Variants in TFRC observed in about 807,000 individuals in gnomAD.
The protein encoded by TFRC is transferrin receptor, also known as transferrin receptor protein 1.
In TFRC, 35 loss-of-function variants were observed where a neutral mutation model predicts 85.8. That is an observed-to-expected ratio of 0.41 (90% CI 0.31 to 0.54). TFRC has a LOEUF of 0.54. Among genes scored for constraint, TFRC ranks in the 20% least tolerant of loss-of-function variants. TFRC has a pLI of 0.31. For synonymous variants in TFRC, 362 were observed against 328.6 expected (o/e 1.10, Z -1.10); for missense variants, 828 against 921.5 (o/e 0.90, Z 1.31).
chr3:196,066,267 A>T (rs1717734630), intron 9 of TFRC, among the ~76,000 whole-genome samples: 1 of 152,176 alleles, frequency 6.6e-6, no homozygotes, highest in African/African-American at 2.4e-5. Flanking sequence ...CACCACTAAC[A>T]AGGATAGTAC....
At chr3:196,080,773 G>A (rs1472211253) in intron 1 of TFRC, among the ~76,000 whole-genome samples, 1 of 142,536 alleles carries the variant, frequency 7.0e-6, no homozygotes, top group East Asian at 2.1e-4. Context: ...TTGCAAAATC[G>A]ATGACAAAAA....
chr3:196,068,469 G>C (rs1397415015), intron 7 of TFRC, among the ~76,000 whole-genome samples: 1 of 151,688 alleles, frequency 6.6e-6, no homozygotes, highest in East Asian at 1.9e-4. Flanking sequence ...AAATTAACTG[G>C]GCGCAGTGGC....
Position 196,051,822 on chromosome 3 carries a change from A to C in TFRC, c.*120T>G, listed in dbSNP as rs1716332446. ...TGCCTAAAGACATCTAGTAGTACCAAGATGATGGGATGGAATTTTAACATC... is the reference window on the plus strand; with the variant it reads ...TGCCTAAAGACATCTAGTAGTACCACGATGATGGGATGGAATTTTAACATC... On this transcript the variant is annotated 3_prime_UTR_variant, in exon 19 of 19. Coordinates refer to ENST00000360110, the MANE Select transcript of TFRC (RefSeq NM_001128148.3). 3.2e-6 allele frequency: 4 copies of C among 1,248,018 alleles called. No homozygotes were observed. Among genetic ancestry groups the C allele is most frequent in the Non-Finnish European group, 4.5e-6 (4 of 893,964 alleles). 77.3% of individuals were successfully genotyped at this position (1,248,018 alleles called of 1,614,324 possible).
At chr3:196,077,831 A>G in intron 1 of TFRC, among the ~76,000 whole-genome samples, 1 of 152,152 alleles carries the variant, frequency 6.6e-6, no homozygotes, top group Non-Finnish European at 1.5e-5. Flanking sequence ...TACAAATACC[A>G]CAAACCATCT....
Position 196,058,272 on chromosome 3 carries a change from G to A in TFRC, c.1677+12C>T, listed in dbSNP as rs575233627. 41 of 1,609,956 alleles carry A rather than the reference G, an allele frequency of 2.5e-5. No homozygotes were observed. The highest frequency in any genetic ancestry group is 3.4e-5 in the Non-Finnish European group (40 of 1,177,172). ...GCCTCTCTCCATTTGTCATTTAAAT[G>A]AACAGACTTACCTCGCAAAAACAGA... On this transcript the variant is annotated intron_variant, in intron 16 of 18. Transcript: ENST00000360110.
intron 18 of TFRC, among the ~76,000 whole-genome samples, chr3:196,052,693 G>A (rs966858896): frequency 8.6e-5 from 13 of 151,838 alleles, no homozygotes; most frequent in Non-Finnish European, 1.8e-4. Flanking sequence ...CGCTTGCCTC[G>A]GCCTCCCAAA....
chr3:196,062,649 G>A lies in TFRC; in HGVS notation c.1405-4C>T. On this transcript the variant is annotated splice_polypyrimidine_tract_variant and splice_region_variant and intron_variant, in intron 12 of 18. Transcript: ENST00000360110. ...AATGCAGGGACGAAAGGTATCCCTA[G>A]AAGAGAAGGGAAAACACTAATAAGT... 6.2e-7 allele frequency: 1 copy of A among 1,602,890 alleles called. No homozygotes were observed. The highest frequency in any genetic ancestry group is 1.1e-5 in the South Asian group (1 of 88,892).
intron 6 of TFRC, 109 bp from the exon 7 acceptor site, chr3:196,069,677 G>C: frequency 3.3e-6 from 2 of 602,474 alleles, no homozygotes; most frequent in South Asian, 2.8e-5. Flanking sequence ...ACCCAAGTAA[G>C]AGATAAAAGG....
rs1462765329 is a variant in TFRC at position 196,053,478 on chromosome 3, G to A, written c.1980C>T (p.Phe660=). 5.6e-6 allele frequency: 9 copies of A among 1,613,986 alleles called. No homozygotes were observed. The highest frequency in any genetic ancestry group is 5.5e-5 in the South Asian group (5 of 91,088). Reference sequence around the variant, plus strand: ...ATCTGTCTGTTTTCTCAGCATTCCCGAAATCTGTTGTTAGTCTGGAAGTAG... The same window carrying A: ...ATCTGTCTGTTTTCTCAGCATTCCCAAAATCTGTTGTTAGTCTGGAAGTAG... ...FRATSRLTTD[F]GNAEKTDRFV... is the part of the protein sequence containing the mutation. The change falls in exon 18 of 19, where the codon TTC becomes TTT. Residue 660 remains phenylalanine (F), a synonymous_variant. Transcript: ENST00000360110.
intron 4 of TFRC, among the ~76,000 whole-genome samples, chr3:196,073,393 G>GCACGCC (rs1718393879): frequency 6.6e-6 from 1 of 151,804 alleles, no homozygotes; most frequent in Non-Finnish European, 1.5e-5. Context: ...TGAGATGAGA[G>GCACGCC]CACGCCACCG....
intron 18 of TFRC, 109 bp from the exon 19 acceptor site, chr3:196,052,293 T>C: frequency 3.7e-5 from 2 of 54,290 alleles, no homozygotes; most frequent in Non-Finnish European, 3.3e-5. Flanking sequence ...CCGATCAGAC[T>C]TTTTTTTTTT....
chr3:196,067,964 T>C, intron 8 of TFRC, 68 bp downstream of exon 8: 4 of 1,305,660 alleles, frequency 3.1e-6, no homozygotes, highest in Middle Eastern at 1.9e-4. Flanking sequence ...GTGCTATTTC[T>C]GCTAATACAG....
rs868819220 is a variant in TFRC at position 196,062,347 on chromosome 3, C to A, written c.1468+235G>T. The A allele has an allele frequency of 2.8e-5, 13 of 468,242 alleles. No individual in the cohort carries two copies. The South Asian group carries it at 3.3e-4, about 12-fold the overall frequency. 29.0% of individuals were successfully genotyped at this position (468,242 alleles called of 1,614,324 possible). On this transcript the variant is annotated intron_variant, in intron 13 of 18. Transcript: ENST00000360110. ...AGGAGTTCGAGACCATCCTGGCCAA[C>A]ATAGTGAAGCCCTGTCTCTACTAAA...
intron 1 of TFRC, among the ~76,000 whole-genome samples, chr3:196,078,963 G>A (rs538457692): frequency 1.4e-3 from 218 of 151,916 alleles, no homozygotes; most frequent in Non-Finnish European, 2.5e-3. Context: ...TAGTAGAGAC[G>A]GGATTTTACC....
At chr3:196,056,954 T>TGGAGGCTGAGTA (rs1194034393) in intron 16 of TFRC, among the ~76,000 whole-genome samples, 4 of 152,152 alleles carry the variant, frequency 2.6e-5, no homozygotes, top group African/African-American at 7.2e-5. Flanking sequence ...CCTGAGTAGC[T>TGGAGGCTGAGTA]GGGGTTACAG....
At chr3:196,079,467 A>G (rs1384282304) in intron 1 of TFRC, among the ~76,000 whole-genome samples, 2 of 151,636 alleles carry the variant, frequency 1.3e-5, no homozygotes, top group Non-Finnish European at 2.9e-5. Context: ...ATACAAAATT[A>G]GCCGGGCATG....
intron 11 of TFRC, 158 bp from the exon 12 acceptor site, chr3:196,063,097 A>C: frequency 5.1e-6 from 3 of 585,858 alleles, no homozygotes; most frequent in Non-Finnish European, 5.9e-6. Flanking sequence ...AACTAACAAA[A>C]TCTTTTTTTG....
At position 196,067,661 on chromosome 3, in the gene TFRC, G is replaced by C. The variant is rs767098319; in HGVS notation, c.901-4C>G. 1 of 1,612,548 alleles carries C rather than the reference G, an allele frequency of 6.2e-7. No individual in the cohort carries two copies. Among genetic ancestry groups the C allele is most frequent in the East Asian group, 2.2e-5 (1 of 44,854 alleles). ...GGTCACCTGTCCCCAGATGAGCCTA[G>C]GAAAACAAAAGAGCAATTCACTCCA... On this transcript the variant is annotated splice_polypyrimidine_tract_variant and splice_region_variant and intron_variant, in intron 8 of 18. Coordinates refer to ENST00000360110, the MANE Select transcript of TFRC (RefSeq NM_001128148.3).
chr3:196,075,083 T>C, intron 3 of TFRC, 76 bp downstream of exon 3: 2 of 850,908 alleles, frequency 2.4e-6, no homozygotes, highest in East Asian at 2.6e-5. Context: ...ACAAAATAAC[T>C]ATATGCTGAG....
Sources: gnomAD v4.1 joint callset for allele counts (sites outside exome capture counted in the v4.1 genomes callset) on GRCh38, gnomAD v4.1.1 for gene constraint, MANE v1.5 for transcripts, NCBI Gene and HGNC (gene_info 2026-07-23, HGNC 2026-07-21) for gene names.